POLN: variants seen among roughly 807,000 people sequenced by gnomAD.
The protein encoded by POLN is DNA polymerase nu.
POLN carries 108 observed loss-of-function variants against 113.5 expected under a neutral mutation model. That is an observed-to-expected ratio of 0.95 (90% CI 0.81 to 1.12). The LOEUF is 1.12. Among genes scored for constraint, POLN ranks in the 50% most tolerant of loss-of-function variants. The probability of loss-of-function intolerance (pLI) is 0.00; values close to 1 mark genes in which losing one functional copy is unlikely to be tolerated. For missense variants in POLN, 1,097 were observed against 1,077.1 expected (o/e 1.02, Z -0.26); for synonymous variants, 386 against 391.5 (o/e 0.99, Z 0.17).
intron 19 of POLN, among the ~76,000 whole-genome samples, chr4:2,096,730 G>GAGAGAGAGAGAGAGAC (rs1361778474): frequency 4.8e-5 from 7 of 145,666 alleles, no homozygotes; most frequent in East Asian, 4.1e-4. Flanking sequence ...GAGAGAGAGA[G>GAGAGAGAGAGAGAGAC]ACACACAGAG....
chr4:2,143,258 TAGAGAA>T (rs144887647), intron 16 of POLN, among the ~76,000 whole-genome samples: 113,497 of 151,134 alleles, frequency 0.75, 45,233 homozygotes, highest in Non-Finnish European at 0.89. Flanking sequence ...AGAAAAATAG[TAGAGAA>T]AATCAATGAA....
intron 17 of POLN, among the ~76,000 whole-genome samples, chr4:2,130,467 A>T (rs2108725889): frequency 6.6e-6 from 1 of 152,356 alleles, no homozygotes; most frequent in Non-Finnish European, 1.5e-5. Flanking sequence ...TCATTTGCTC[A>T]GATTTGAACT....
intron 16 of POLN, chr4:2,156,375 C>CTTTTTTTTTTTTTTTTTTT: frequency 2.6e-6 from 1 of 384,052 alleles, no homozygotes. Context: ...GAATTTAGAG[C>CTTTTTTTTTTTTTTTTTTT]TTTTTTTTTT....
At chr4:2,107,965 A>G (rs1240680144) in intron 19 of POLN, among the ~76,000 whole-genome samples, 1 of 152,126 alleles carries the variant, frequency 6.6e-6, no homozygotes, top group African/African-American at 2.4e-5. Flanking sequence ...TGATCCCATG[A>G]CACCTTTGCG....
At chr4:2,176,593 A>T (rs1733003427) in intron 8 of POLN, among the ~76,000 whole-genome samples, 1 of 152,182 alleles carries the variant, frequency 6.6e-6, no homozygotes, top group Non-Finnish European at 1.5e-5. Flanking sequence ...TCTTCATTTT[A>T]TAGACTGAGA....
chr4:2,161,194 C>T (rs542385413), intron 13 of POLN, among the ~76,000 whole-genome samples: 112 of 152,384 alleles, frequency 7.3e-4, no homozygotes, highest in Admixed American at 4.4e-3. Flanking sequence ...TTCAGCCCAC[C>T]GCCACACTGT....
intron 16 of POLN, among the ~76,000 whole-genome samples, chr4:2,144,011 A>T (rs139062445): frequency 6.6e-6 from 1 of 152,266 alleles, no homozygotes; most frequent in African/African-American, 2.4e-5. Flanking sequence ...TGGGAACTTA[A>T]TATATTGTCT....
At chr4:2,207,036 G>C (rs1016990194) in intron 5 of POLN, among the ~76,000 whole-genome samples, 1 of 152,054 alleles carries the variant, frequency 6.6e-6, no homozygotes, top group Non-Finnish European at 1.5e-5. Context: ...AAGAAACTGT[G>C]GTATATACAT....
At chr4:2,233,633 T>C (rs1734658301) in intron 2 of POLN, among the ~76,000 whole-genome samples, 1 of 152,218 alleles carries the variant, frequency 6.6e-6, no homozygotes, top group Admixed American at 6.5e-5. Context: ...GCTTTAGAAC[T>C]ACCCTAACCA....
chr4:2,162,565 T>G (rs930782195), intron 13 of POLN, among the ~76,000 whole-genome samples: 19 of 152,184 alleles, frequency 1.2e-4, no homozygotes, highest in Non-Finnish European at 1.6e-4. Context: ...CAAGCTATCC[T>G]CCTGCCTCAA....
intron 23 of POLN, chr4:2,078,933 AT>A: frequency 3.0e-6 from 3 of 984,534 alleles, no homozygotes; most frequent in Non-Finnish European, 3.6e-6. Flanking sequence ...AAGTGAACCG[AT>A]TTTTTCTTTT....
intron 8 of POLN, chr4:2,177,273 G>A (rs775052067): frequency 2.1e-6 from 1 of 479,754 alleles, no homozygotes. Flanking sequence ...AATCTTCTCT[G>A]GCTCCCCACA....
chr4:2,107,450 G>A (rs1423926419), intron 19 of POLN, among the ~76,000 whole-genome samples: 1 of 152,196 alleles, frequency 6.6e-6, no homozygotes. Context: ...AGCTTGCGGC[G>A]GGTAAATATT....
intron 2 of POLN, chr4:2,234,646 A>T (rs1734694219): frequency 6.6e-6 from 1 of 152,246 alleles, no homozygotes; most frequent in Non-Finnish European, 1.5e-5. Flanking sequence ...TAAAGAAAAG[A>T]AAACTATATG....
chr4:2,219,585 CACT>C (rs915787247), intron 3 of POLN, among the ~76,000 whole-genome samples: 103 of 152,246 alleles, frequency 6.8e-4, no homozygotes, highest in African/African-American at 2.4e-3. Context: ...TAGCAGACAC[CACT>C]GAGATTCTCA....
intron 19 of POLN, among the ~76,000 whole-genome samples, chr4:2,116,389 T>C (rs1731318937): frequency 6.6e-6 from 1 of 152,228 alleles, no homozygotes; most frequent in Non-Finnish European, 1.5e-5. Context: ...AGCTCATCGC[T>C]TTCTGGAGTT....
chr4:2,139,038 T>C (rs1731930226), intron 16 of POLN, among the ~76,000 whole-genome samples: 1 of 151,774 alleles, frequency 6.6e-6, no homozygotes, highest in Admixed American at 6.6e-5. Context: ...GGAAAGGAGA[T>C]GCTCATGCAG....
At chr4:2,173,030 G>A (rs958440617) in intron 11 of POLN, among the ~76,000 whole-genome samples, 5 of 152,226 alleles carry the variant, frequency 3.3e-5, no homozygotes, top group Non-Finnish European at 7.3e-5. Context: ...AAGGCCACAC[G>A]TAAGTCACTG....
At chr4:2,134,678 G>T (rs1390747276) in intron 16 of POLN, among the ~76,000 whole-genome samples, 1 of 152,114 alleles carries the variant, frequency 6.6e-6, no homozygotes, top group African/African-American at 2.4e-5. Flanking sequence ...CCTTAAGGAG[G>T]AAACCTCCTC....
Sources: allele counts gnomAD v4.1 joint callset (sites outside exome capture counted in the v4.1 genomes callset), GRCh38; gene constraint gnomAD v4.1.1; transcripts MANE v1.5; gene names NCBI Gene and HGNC (gene_info 2026-07-23, HGNC 2026-07-21).